Variants in MAP2K1 observed in about 807,000 individuals in gnomAD.
MAP2K1 encodes mitogen-activated protein kinase kinase 1, also known as dual specificity mitogen-activated protein kinase kinase 1.
A neutral mutation model predicts 46.3 loss-of-function variants in MAP2K1; 16 were observed. The ratio of observed to expected loss-of-function variants is 0.35; its 90% confidence interval spans 0.23 to 0.52. MAP2K1 has a LOEUF of 0.52. Ranked by LOEUF, MAP2K1 falls within the 20% of genes least tolerant of loss-of-function variation. The pLI, the probability that MAP2K1 is intolerant of heterozygous loss-of-function variation, is 0.94. For missense variants in MAP2K1, 263 were observed against 497.1 expected, an observed-to-expected ratio of 0.53 and a Z score of 4.48; for synonymous variants, 183 against 185.6, an observed-to-expected ratio of 0.99 and a Z score of 0.11.
intron 3 of MAP2K1, 128 bp from the exon 4 acceptor site, chr15:66,443,152 T>C: frequency 3.3e-6 from 2 of 604,844 alleles, no homozygotes; most frequent in Admixed American, 4.4e-5. Flanking sequence ...AGTGGTGTGA[T>C]CTCGGCTCAC....
chr15:66,392,630 C>A (rs1040745873), intron 1 of MAP2K1, among the ~76,000 whole-genome samples: 1 of 150,828 alleles, frequency 6.6e-6, no homozygotes, highest in Admixed American at 6.6e-5. Flanking sequence ...CTCGGCTCAC[C>A]GCAACCTCCG....
Position 66,453,428 on chromosome 15 carries a change from G to A in MAP2K1, c.568+8721G>A, listed in dbSNP as rs1246058449. ...CTGTGTGGGCTGGCCTGGCTGCTCA[G>A]CATTTCAGACTCCTGTTGTTTACAA... On this transcript the variant is annotated intron_variant, in intron 5 of 10. Transcript: ENST00000307102. 8.6e-6 allele frequency: 6 copies of A among 699,848 alleles called. No homozygotes were observed. In the African/African-American group the frequency reaches 1.0e-4, roughly 12 times the overall value. The allele number at this position is 699,848 out of a possible 1,614,324, so 43.4% of individuals were successfully genotyped here. A position where few individuals can be genotyped will look rare whatever the true frequency, so the allele number is the denominator to read the frequency against.
chr15:66,443,449 A>G (rs1179446787), intron 4 of MAP2K1, 92 bp downstream of exon 4: 6 of 816,618 alleles, frequency 7.3e-6, no homozygotes, highest in African/African-American at 3.4e-5. Context: ...TGGGAAGTCA[A>G]TGAGGGGAAA....
chr15:66,439,621 C>T (rs1363469167), intron 3 of MAP2K1, among the ~76,000 whole-genome samples: 1 of 152,138 alleles, frequency 6.6e-6, no homozygotes, highest in Non-Finnish European at 1.5e-5. Flanking sequence ...GCAAAATTAG[C>T]CAGGCGTGGT....
chr15:66,473,217 C>T (rs1892681292), intron 5 of MAP2K1, among the ~76,000 whole-genome samples: 1 of 152,140 alleles, frequency 6.6e-6, no homozygotes, highest in Non-Finnish European at 1.5e-5. Context: ...TTTTATCCTC[C>T]AGCCTCAACT....
chr15:66,461,744 CCCA>C (rs1328680815), intron 5 of MAP2K1, among the ~76,000 whole-genome samples: 1 of 152,128 alleles, frequency 6.6e-6, no homozygotes, highest in African/African-American at 2.4e-5. Context: ...GAAGCTGCTA[CCCA>C]CCAAGTGACC....
rs1401203201 is a variant in MAP2K1 at position 66,490,525 on chromosome 15, T to C, written c.1092T>C (p.Ser364=). ...AGGTTCATGCTTTTATCAAGAGATC[T>C]GATGCTGAGGAAGTGGATTTTGCAG... The part of the protein sequence containing the change: ...QLMVHAFIKR[S]DAEEVDFAGW... Residue 364 remains serine (S), a synonymous_variant, in exon 11 of 11, where the codon TCT becomes TCC. Transcript: ENST00000307102. The C allele has an allele frequency of 6.2e-7, 1 of 1,614,022 alleles. No homozygotes were observed. Among genetic ancestry groups the C allele is most frequent in the Non-Finnish European group, 8.5e-7 (1 of 1,179,846 alleles).
chr15:66,448,414 A>G (rs568605894), intron 5 of MAP2K1, among the ~76,000 whole-genome samples: 2 of 152,278 alleles, frequency 1.3e-5, no homozygotes, highest in South Asian at 4.1e-4. Context: ...ATTTTGGGAA[A>G]CACTGCATTG....
intron 2 of MAP2K1, among the ~76,000 whole-genome samples, chr15:66,436,328 A>G (rs2093487993): frequency 6.6e-6 from 1 of 152,260 alleles, no homozygotes; most frequent in African/African-American, 2.4e-5. Context: ...ACTTTGGCTT[A>G]GTCTCAACCA....
chr15:66,434,995 A>C (rs2140578177), intron 1 of MAP2K1, 32 bp from the exon 2 acceptor site: 1 of 1,361,272 alleles, frequency 7.3e-7, no homozygotes, highest in Non-Finnish European at 1.1e-6. Flanking sequence ...CTCTGGTGAC[A>C]GTATTGACTT....
chr15:66,425,209 G>T (rs549395088), intron 1 of MAP2K1, among the ~76,000 whole-genome samples: 1 of 152,284 alleles, frequency 6.6e-6, no homozygotes, highest in Admixed American at 6.5e-5. Flanking sequence ...ATCTGCGGCA[G>T]GTCTTGGGCA....
At chr15:66,477,198 G>A (rs1892773545) in intron 5 of MAP2K1, among the ~76,000 whole-genome samples, 1 of 152,316 alleles carries the variant, frequency 6.6e-6, no homozygotes, top group South Asian at 2.1e-4. Context: ...CAGGGATGGT[G>A]GCAAGCTGTG....
intron 1 of MAP2K1, among the ~76,000 whole-genome samples, chr15:66,396,005 T>C (rs1293506539): frequency 1.3e-5 from 2 of 152,134 alleles, no homozygotes; most frequent in Admixed American, 6.5e-5. Context: ...GTACCCATCT[T>C]TTTTGTTTTG....
intron 1 of MAP2K1, among the ~76,000 whole-genome samples, chr15:66,430,715 T>C (rs35105301): frequency 0.056 from 8,555 of 152,204 alleles, 348 homozygotes; most frequent in Middle Eastern, 0.11. Flanking sequence ...GGTCCCTCCC[T>C]GAGATACATT....
intron 5 of MAP2K1, among the ~76,000 whole-genome samples, chr15:66,474,819 A>G (rs1892719076): frequency 6.6e-6 from 1 of 151,740 alleles, no homozygotes; most frequent in African/African-American, 2.4e-5. Flanking sequence ...AAGATAGTAT[A>G]TTTGAACTGG....
intron 5 of MAP2K1, chr15:66,453,611 C>A (rs1892092491): frequency 1.4e-6 from 1 of 701,092 alleles, no homozygotes; most frequent in Non-Finnish European, 2.6e-6. Context: ...CTTGTCCCTG[C>A]CTATGGGCTT....
chr15:66,426,776 AC>A (rs2093460233), intron 1 of MAP2K1, among the ~76,000 whole-genome samples: 1 of 152,234 alleles, frequency 6.6e-6, no homozygotes, highest in Non-Finnish European at 1.5e-5. Context: ...TGTGCAAGTC[AC>A]TTCTCTGTAG....
In MAP2K1 at chr15:66,405,721, C is replaced by A. The variant is rs73469992; in HGVS notation, c.80+18294C>A. Among the ~76,000 whole-genome samples, 1,297 of 152,324 alleles carry A rather than the reference C, an allele frequency of 8.5e-3. 28 individuals are homozygous for A. The highest frequency in any genetic ancestry group is 0.03 in the African/African-American group (1,235 of 41,566). ...GCCTGGCCTTTAAACTAGATTCTTT[C>A]TCCCAAAGAATCCTGCATTTTACCA... On this transcript the variant is annotated intron_variant, in intron 1 of 10. Coordinates refer to ENST00000307102, the MANE Select transcript of MAP2K1 (RefSeq NM_002755.4).
Position 66,444,458 on chromosome 15 carries a change from G to A in MAP2K1, c.517-198G>A, listed in dbSNP as rs529503350. Among the ~76,000 whole-genome samples the A allele has an allele frequency of 5.9e-5, 9 of 152,186 alleles. No homozygotes were observed. In the South Asian group the frequency reaches 8.3e-4, roughly 14 times the overall value. On this transcript the variant is annotated intron_variant, in intron 4 of 10. Transcript: ENST00000307102. ...TGAGGCAGGAGAATCACTTGAACCC[G>A]GGAGGTGGAGGTTGTGGTGAGCCGA...
Sources: allele counts gnomAD v4.1 joint callset (sites outside exome capture counted in the v4.1 genomes callset), GRCh38; gene constraint gnomAD v4.1.1; transcripts MANE v1.5; gene names NCBI Gene and HGNC (gene_info 2026-07-23, HGNC 2026-07-21).